Variants in HSPG2 observed in about 807,000 individuals in gnomAD.
HSPG2 encodes heparan sulfate proteoglycan 2, also known as basement membrane-specific heparan sulfate proteoglycan core protein.
A neutral mutation model predicts 526.6 loss-of-function variants in HSPG2; 278 were observed. The ratio of observed to expected loss-of-function variants is 0.53; its 90% CI spans 0.48 to 0.58. The LOEUF (loss-of-function observed/expected upper bound fraction) is 0.58, where lower values mean the gene tolerates loss of function less well. HSPG2 is among the 20% of genes least tolerant of loss of function. HSPG2 has a pLI of 0.00. For synonymous variants in HSPG2, 2,465 were observed against 2,555.4 expected (o/e 0.96, Z 1.07); for missense variants, 5,354 against 6,099.5 (o/e 0.88, Z 4.07).
Position 21,874,638 on chromosome 1 carries a change from T to G in HSPG2, c.3506A>C (p.Glu1169Ala). ...TACCTGGCAGGCACCTGTTTCTGGC[T>G]CGCAGGCCTCTGAGTGGCCATGGCA... ...CSCHGHSEACEPETGACQGCQ... is the reference protein window; with the variant it reads ...CSCHGHSEACAPETGACQGCQ... The change falls in exon 27 of 97, where the codon GAG (glutamate) becomes GCG (alanine). Residue 1169 changes from glutamate to alanine, a missense_variant. By Grantham distance (107) the Glu-to-Ala change is moderately radical (BLOSUM62 -1). Transcript: ENST00000374695. 6.2e-7 allele frequency: 1 copy of G among 1,613,700 alleles called. No individual in the cohort carries two copies.
chr1:21,824,150 G>A lies in HSPG2; in HGVS notation c.12870C>T (p.Asp4290=), dbSNP rs748689332. The A allele has an allele frequency of 7.4e-6, 12 of 1,613,532 alleles. No homozygotes were observed. Among genetic ancestry groups the A allele is most frequent in the South Asian group, 4.4e-5 (4 of 91,074 alleles). The stretch of plus-strand genomic sequence containing the variant: ...GTGCTGTCACCCGGTGCCACTCGCC[G>A]TCATTGATGGGGTCCTCAGAGACCA... ...ARLVSEDPIN[D]GEWHRVTALR... is the part of the protein sequence containing the mutation. The change falls in exon 95 of 97, where the codon GAC becomes GAT. Residue 4290 remains aspartate, a synonymous_variant. Transcript: ENST00000374695. The surrounding 1 kb of genome is among the most constrained non-coding windows in gnomAD (Gnocchi z 5.9).
chr1:21,895,118 C>T lies in HSPG2; in HGVS notation c.244+804G>A, dbSNP rs1642656479. On this transcript the variant is annotated intron_variant, in intron 3 of 96. Coordinates refer to ENST00000374695, the MANE Select transcript of HSPG2 (RefSeq NM_005529.7). The surrounding 1 kb of genome is among the most constrained non-coding windows in gnomAD (Gnocchi z 4.1). Reference sequence around the variant, plus strand: ...CAAGGCCTGCCTAGGGTGAAGGCAGCCCTGGATGCCACGGGATGGCCCAGT... The same window carrying T: ...CAAGGCCTGCCTAGGGTGAAGGCAGTCCTGGATGCCACGGGATGGCCCAGT... Among the ~76,000 whole-genome samples, 3 of 103,850 alleles carry T rather than the reference C, an allele frequency of 2.9e-5. No individual in the cohort carries two copies. Among genetic ancestry groups the T allele is most frequent in the Non-Finnish European group, 5.3e-5 (2 of 38,076 alleles). 68.1% of individuals were successfully genotyped at this position (103,850 alleles called of 152,430 possible).
intron 1 of HSPG2, chr1:21,908,500 C>T (rs1643499034): frequency 5.4e-6 from 5 of 930,410 alleles, no homozygotes; most frequent in Admixed American, 3.4e-5. Context: ...GCCTGCTCCA[C>T]CCAGCAAAGC....
rs537610928 is a variant in HSPG2 at position 21,843,179 on chromosome 1, T to C, written c.8758+118A>G. On this transcript the variant is annotated intron_variant, in intron 66 of 96. Coordinates refer to ENST00000374695, the MANE Select transcript of HSPG2 (RefSeq NM_005529.7). ...CCTGGGTTGGCTTGATCCTCCGTGGTAGGAAACCCCGCCTGCAGGCAACAA... is the reference window on the plus strand; with the variant it reads ...CCTGGGTTGGCTTGATCCTCCGTGGCAGGAAACCCCGCCTGCAGGCAACAA... The C allele has an allele frequency of 1.3e-4, 194 of 1,463,400 alleles. No homozygotes were observed. The African/African-American group carries it at 2.1e-3, about 16-fold the overall frequency. The allele number at this position is 1,463,400 out of a possible 1,614,324, so 90.7% of individuals were successfully genotyped here. A position where few individuals can be genotyped will look rare whatever the true frequency, so the allele number is the denominator to read the frequency against.
In HSPG2 at chr1:21,876,224, C is replaced by T. The variant is rs1164156997; in HGVS notation, c.3003+5G>A. The T allele has an allele frequency of 2.5e-6, 4 of 1,601,990 alleles. No individual in the cohort carries two copies. The highest frequency in any genetic ancestry group is 3.4e-6 in the Non-Finnish European group (4 of 1,174,082). The stretch of plus-strand genomic sequence containing the variant: ...GTTTCCTTTGCCTTTCCACCCACTA[C>T]CCACCTTGTCCCCCAGGAAGCGTGA... On this transcript the variant is annotated splice_donor_5th_base_variant and intron_variant, in intron 23 of 96. Coordinates refer to ENST00000374695, the MANE Select transcript of HSPG2 (RefSeq NM_005529.7).
intron 29 of HSPG2, 147 bp downstream of exon 29, chr1:21,873,778 G>A: frequency 1.5e-6 from 1 of 683,584 alleles, no homozygotes; most frequent in South Asian, 1.9e-5. Flanking sequence ...TCCCGAGGAG[G>A]GGAGCTGACT....
chr1:21,894,194 C>A (rs911324043), intron 3 of HSPG2, among the ~76,000 whole-genome samples: 1 of 151,822 alleles, frequency 6.6e-6, no homozygotes, highest in Non-Finnish European at 1.5e-5. Context: ...GGTCTTGACA[C>A]ACAGGGGGCT....
At chr1:21,827,573 T>C (rs2097981893) in intron 91 of HSPG2, among the ~76,000 whole-genome samples, 1 of 152,236 alleles carries the variant, frequency 6.6e-6, no homozygotes. Context: ...ATGCATCTTA[T>C]ATTTACTGCT....
In HSPG2 at chr1:21,864,961, G is replaced by A. The variant is rs897471; in HGVS notation, c.4508C>T (p.Ala1503Val). Reference sequence around the variant, plus strand: ...CAGGCTGACTGCGCTGATGCTGGCCGCCAGCGGCACGGAGGAGAACGTGGC... The same window carrying A: ...CAGGCTGACTGCGCTGATGCTGGCCACCAGCGGCACGGAGGAGAACGTGGC... ...IRATFSSVPL[A>V]ASISAVSLEV... Residue 1503 changes from alanine (A) to valine (V), a missense_variant, in exon 36 of 97, where the codon GCG becomes GTG. Coordinates refer to ENST00000374695, the MANE Select transcript of HSPG2 (RefSeq NM_005529.7). This position sits in a 1 kb window ranked among gnomAD's most constrained non-coding sequence, Gnocchi z 4.8. 1,146,510 of 1,599,188 alleles carry A rather than the reference G, an allele frequency of 0.72. 413,470 individuals carry two copies. Among genetic ancestry groups the A allele is most frequent in the East Asian group, 0.89 (39,203 of 44,178 alleles).
intron 42 of HSPG2, among the ~76,000 whole-genome samples, chr1:21,857,793 G>A (rs1041092566): frequency 5.3e-5 from 8 of 152,012 alleles, no homozygotes; most frequent in Non-Finnish European, 1.0e-4. Flanking sequence ...AGCTAGTGGC[G>A]CTGACACACA....
Position 21,852,142 on chromosome 1 carries a change from G to C in HSPG2, c.6816C>G (p.Ala2272=), listed in dbSNP as rs772784891. The change falls in exon 53 of 97, where the codon GCC becomes GCG. Residue 2272 remains alanine (A), a synonymous_variant. Coordinates refer to ENST00000374695, the MANE Select transcript of HSPG2 (RefSeq NM_005529.7). The part of the protein sequence containing the change: ...LDLSCVVAGQ[A]HAQVTWYKRG... Reference sequence around the variant, plus strand: ...GCTTGTACCATGTGACCTGGGCGTGGGCCTGCCCTGCCACCACGCAGCTCA... The same window carrying C: ...GCTTGTACCATGTGACCTGGGCGTGCGCCTGCCCTGCCACCACGCAGCTCA... The C allele has an allele frequency of 1.2e-6, 2 of 1,613,882 alleles. No homozygotes were observed.
At position 21,861,856 on chromosome 1, in the gene HSPG2, A is replaced by C. The variant is rs1203765311; in HGVS notation, c.4869-13T>G. On this transcript the variant is annotated splice_polypyrimidine_tract_variant and intron_variant, in intron 38 of 96. Transcript: ENST00000374695. ...GGTGCGGGAAAACCTGGGATCGGGG[A>C]GGCAAAGGTCAGGTCATGGGAAGCC... 5.0e-6 allele frequency: 8 copies of C among 1,613,434 alleles called. No homozygotes were observed. Among genetic ancestry groups the C allele is most frequent in the African/African-American group, 1.3e-5 (1 of 74,928 alleles).
At position 21,823,166 on chromosome 1, in the gene HSPG2, T is replaced by C. The variant is rs1203356594; in HGVS notation, c.*150A>G. The C allele has an allele frequency of 1.2e-5, 9 of 753,770 alleles. No individual in the cohort carries two copies. The highest frequency in any genetic ancestry group is 1.8e-5 in the Non-Finnish European group (9 of 505,516). The allele number at this position is 753,770 out of a possible 1,614,324, so 46.7% of individuals were successfully genotyped here. A position where few individuals can be genotyped will look rare whatever the true frequency, so the allele number is the denominator to read the frequency against. On this transcript the variant is annotated 3_prime_UTR_variant, in exon 97 of 97. Transcript: ENST00000374695. ...CCCAGCTGTGTGTGTGAGGGTGGCA[T>C]GCCCACCTCCAGTCCAGCCCAGGGC...
chr1:21,865,869 ATAGGT>A lies in HSPG2; in HGVS notation c.4222-65_4222-61del. 1 of 1,308,874 alleles carries A rather than the reference ATAGGT, an allele frequency of 7.6e-7. No homozygotes were observed. The allele number at this position is 1,308,874 out of a possible 1,614,324, so 81.1% of individuals were successfully genotyped here. A position where few individuals can be genotyped will look rare whatever the true frequency, so the allele number is the denominator to read the frequency against. On this transcript the variant is annotated intron_variant, in intron 33 of 96. Coordinates refer to ENST00000374695, the MANE Select transcript of HSPG2 (RefSeq NM_005529.7). The surrounding 1 kb of genome is among the most constrained non-coding windows in gnomAD (Gnocchi z 5.4). The stretch of plus-strand genomic sequence containing the variant: ...CCTTGGGGTGTGAGTGTTGGACCAT[ATAGGT>A]GAGGGATGGAGCATCTGGCGGCCTT...
In HSPG2 at chr1:21,839,051, A is replaced by G. The variant is rs1480039869; in HGVS notation, c.9924T>C (p.Ala3308=). ...GCACCGTCTCCCCTGCCTGCACCGA[A>G]GCGTGCTCTGGGACCGTGGTGGCAT... The part of the protein sequence containing the change: ...PPYATTVPEH[A]SVQAGETVQL... The change falls in exon 74 of 97, where the codon GCT becomes GCC. Residue 3308 remains alanine (A), a synonymous_variant. Transcript: ENST00000374695. This position sits in a 1 kb window ranked among gnomAD's most constrained non-coding sequence, Gnocchi z 4.5. 7.5e-6 allele frequency: 12 copies of G among 1,594,710 alleles called. No individual in the cohort carries two copies. The highest frequency in any genetic ancestry group is 2.2e-5 in the South Asian group (2 of 89,882).
rs1334348454 is a variant in HSPG2, at chr1:21,889,964, C to T, written c.574+17G>A. On this transcript the variant is annotated intron_variant, in intron 6 of 96. Coordinates refer to ENST00000374695, the MANE Select transcript of HSPG2 (RefSeq NM_005529.7). ...CGAGTCTGGAGGAGGCGATCCCAGA[C>T]ACCAGGATAGGCTCACCTGTGCCCA... 1.2e-6 allele frequency: 2 copies of T among 1,613,998 alleles called. No homozygotes were observed. The highest frequency in any genetic ancestry group is 1.3e-5 in the African/African-American group (1 of 75,050).
chr1:21,843,244 G>A, intron 66 of HSPG2, 53 bp downstream of exon 66: 2 of 1,610,950 alleles, frequency 1.2e-6, no homozygotes, highest in South Asian at 2.2e-5. Flanking sequence ...GCAGAGCTGG[G>A]AAGGAGCCCC....
At position 21,898,323 on chromosome 1, in the gene HSPG2, TA is replaced by T. The variant is rs1401124108; in HGVS notation, c.64-2014del. 6.6e-6 allele frequency among the ~76,000 whole-genome samples: 1 copy of T among 152,194 alleles called. No individual in the cohort carries two copies. Among genetic ancestry groups the T allele is most frequent in the Non-Finnish European group, 1.5e-5 (1 of 68,030 alleles). On this transcript the variant is annotated intron_variant, in intron 1 of 96. Transcript: ENST00000374695. The surrounding 1 kb of genome is among the most constrained non-coding windows in gnomAD (Gnocchi z 4.0). ...TATTCCTGCTTTGGCCTAAAGCCCT[TA>T]CCCCCAACAATCCAGCGGCAAATGT...
chr1:21,875,296 A>G, intron 25 of HSPG2: 1 of 593,508 alleles, frequency 1.7e-6, no homozygotes, highest in Non-Finnish European at 3.0e-6. Context: ...AAGAACGATC[A>G]CTCTCCGGCG....
Sources: allele counts gnomAD v4.1 joint callset (sites outside exome capture counted in the v4.1 genomes callset), GRCh38; gene constraint gnomAD v4.1.1; non-coding constraint Gnocchi (gnomAD v3.1); transcripts MANE v1.5; gene names NCBI Gene and HGNC (gene_info 2026-07-23, HGNC 2026-07-21).